The following RAC2 variants were observed in gnomAD, a reference collection of about 807,000 sequenced individuals.
RAC2 encodes Rac family small GTPase 2.
RAC2 carries 1 observed loss-of-function variant against 24.0 expected under a neutral mutation model. That is an observed-to-expected ratio of 0.04 (90% CI 0.01 to 0.20). RAC2 has a LOEUF of 0.20. Ranked by LOEUF, RAC2 falls within the 10% of genes least tolerant of loss-of-function variation. RAC2 has a pLI of 1.00. For synonymous variants in RAC2, 114 were observed against 106.8 expected (o/e 1.07, Z -0.41); for missense variants, 130 against 259.1 (o/e 0.50, Z 3.42).
chr22:37,244,197 G>A lies in RAC2; in HGVS notation c.-49C>T, dbSNP rs750313450. ...CGGTGGTGACAGCTCAGGGCCAGGC[G>A]CGTTTCTGCGGGCGCAAGGGGTGTG... is the stretch of plus-strand genomic sequence containing the variant. On this transcript the variant is annotated 5_prime_UTR_variant, in exon 1 of 7. Coordinates refer to ENST00000249071, the MANE Select transcript of RAC2 (RefSeq NM_002872.5). The A allele has an allele frequency of 1.9e-6, 3 of 1,607,940 alleles. No individual in the cohort carries two copies. The highest frequency in any genetic ancestry group is 2.5e-6 in the Non-Finnish European group (3 of 1,177,106).
chr22:37,227,566 G>A (rs67970560), intron 5 of RAC2, among the ~76,000 whole-genome samples: 28 of 1,916 alleles, frequency 0.015, no homozygotes, highest in Admixed American at 0.048. Flanking sequence ...CCCTTCCCAT[G>A]CCTCCCACGC....
intron 2 of RAC2, among the ~76,000 whole-genome samples, chr22:37,233,421 T>C (rs1440361619): frequency 1.3e-5 from 2 of 152,208 alleles, no homozygotes; most frequent in Non-Finnish European, 2.9e-5. Context: ...TAGCTGGGAT[T>C]ACAGGCATGC....
At chr22:37,243,954 G>C (rs1471440457) in intron 1 of RAC2, among the ~76,000 whole-genome samples, 160 bp downstream of exon 1, 1 of 152,144 alleles carries the variant, frequency 6.6e-6, no homozygotes, top group Non-Finnish European at 1.5e-5. Context: ...CCACCCCCGG[G>C]TGCTCCCTGT....
At chr22:37,228,865 G>A (rs1232963936) in intron 5 of RAC2, among the ~76,000 whole-genome samples, 1 of 152,202 alleles carries the variant, frequency 6.6e-6, no homozygotes, top group Non-Finnish European at 1.5e-5. Flanking sequence ...GTCACATGCT[G>A]GGCGTCTCCC....
At chr22:37,241,542 G>A in intron 2 of RAC2, 45 bp downstream of exon 2, 5 of 1,572,732 alleles carry the variant, frequency 3.2e-6, no homozygotes, top group Non-Finnish European at 4.4e-6. Context: ...CTTGGTGACG[G>A]TCTCTCCCCT....
intron 1 of RAC2, among the ~76,000 whole-genome samples, chr22:37,241,898 G>T (rs942343629): frequency 6.6e-6 from 1 of 152,234 alleles, no homozygotes; most frequent in South Asian, 2.1e-4. Flanking sequence ...ATCCACAGGT[G>T]TGCGCAGAGC....
chr22:37,232,189 A>G (rs546994910), intron 3 of RAC2, among the ~76,000 whole-genome samples, 195 bp from the exon 4 acceptor site: 10 of 152,292 alleles, frequency 6.6e-5, no homozygotes, highest in Admixed American at 6.5e-4. Context: ...GACGCTCACT[A>G]AAGGCCAGGG....
In RAC2 at chr22:37,244,236, C is replaced by T. The variant is rs971073256; in HGVS notation, c.-88G>A. 4 of 1,483,928 alleles carry T rather than the reference C, an allele frequency of 2.7e-6. No individual in the cohort carries two copies. Among genetic ancestry groups the T allele is most frequent in the Non-Finnish European group, 3.7e-6 (4 of 1,076,982 alleles). 91.9% of individuals were successfully genotyped at this position (1,483,928 alleles called of 1,614,324 possible). A position where few individuals can be genotyped will look rare whatever the true frequency, so the allele number is the denominator to read the frequency against. ...GCAAGGGGTGTGGAGGCTGGTGAGG[C>T]GCCTGCTGAGGAGCAGCGGTGGTGG... On this transcript the variant is annotated 5_prime_UTR_variant, in exon 1 of 7. Coordinates refer to ENST00000249071, the MANE Select transcript of RAC2 (RefSeq NM_002872.5).
chr22:37,227,935 G>T (rs975930548), intron 5 of RAC2, among the ~76,000 whole-genome samples: 2 of 152,160 alleles, frequency 1.3e-5, no homozygotes, highest in Admixed American at 6.5e-5. Flanking sequence ...CGGGAATTTT[G>T]ATGCTTTTCT....
At chr22:37,241,202 T>C (rs558211867) in intron 2 of RAC2, 2 of 774,142 alleles carry the variant, frequency 2.6e-6, no homozygotes, top group Non-Finnish European at 4.8e-6. Context: ...CAGCATGCCT[T>C]GTCCCCAGGT....
At chr22:37,227,453 AG>A (rs74201862) in intron 5 of RAC2, among the ~76,000 whole-genome samples, 1 of 17,294 alleles carries the variant, frequency 5.8e-5, no homozygotes, top group Admixed American at 5.8e-4. Flanking sequence ...ATGCCATACA[AG>A]CCCTCCCACG....
At chr22:37,235,554 C>T (rs1481743055) in intron 2 of RAC2, among the ~76,000 whole-genome samples, 6 of 152,162 alleles carry the variant, frequency 3.9e-5, no homozygotes, top group Non-Finnish European at 5.9e-5. Flanking sequence ...ATTTGTTTGC[C>T]GCTGCACCCT....
At chr22:37,228,068 C>G (rs544775704) in intron 5 of RAC2, among the ~76,000 whole-genome samples, 1 of 152,302 alleles carries the variant, frequency 6.6e-6, no homozygotes, top group African/African-American at 2.4e-5. Flanking sequence ...AGGCCTGAAG[C>G]CCTCAGGGCC....
chr22:37,229,604 T>C (rs4140870), intron 5 of RAC2, among the ~76,000 whole-genome samples: 31,046 of 152,150 alleles, frequency 0.2, 3,820 homozygotes, highest in African/African-American at 0.34. Context: ...AGGCAGTTGC[T>C]GCTTCCCTCA....
intron 1 of RAC2, among the ~76,000 whole-genome samples, chr22:37,242,973 C>G (rs1204256945): frequency 1.3e-5 from 2 of 152,166 alleles, no homozygotes; most frequent in Admixed American, 6.5e-5. Context: ...GCAGGCATGA[C>G]AGATTGACAA....
At position 37,232,010 on chromosome 22, in the gene RAC2, GCGA is replaced by G. The variant is rs1569089807; in HGVS notation, c.226-19_226-17del. ...GGAAGACGTCCTGGGGACAGAGCAA[GCGA>G]GGTTGCTAGTGAGGAGGGCCCAGAG... is the stretch of plus-strand genomic sequence containing the variant. On this transcript the variant is annotated splice_polypyrimidine_tract_variant and intron_variant, in intron 3 of 6. Transcript: ENST00000249071. The G allele has an allele frequency of 7.2e-6, 11 of 1,520,680 alleles. No individual in the cohort carries two copies. The South Asian group carries it at 1.3e-4, about 18-fold the overall frequency. The allele number at this position is 1,520,680 out of a possible 1,614,324, so 94.2% of individuals were successfully genotyped here. A position where few individuals can be genotyped will look rare whatever the true frequency, so the allele number is the denominator to read the frequency against.
rs541850760 is a variant in RAC2 at position 37,240,858 on chromosome 22, C to A, written c.107+729G>T. On this transcript the variant is annotated intron_variant, in intron 2 of 6. Coordinates refer to ENST00000249071, the MANE Select transcript of RAC2 (RefSeq NM_002872.5). ...GGAGAGAGAACAGCTTGAGCAAAGG[C>A]CCTGGGGTAGAAATGTGCAGGGAGC... is the stretch of plus-strand genomic sequence containing the variant. 4.9e-6 allele frequency: 3 copies of A among 611,294 alleles called. No individual in the cohort carries two copies. In the South Asian group the frequency reaches 5.8e-5, roughly 12 times the overall value. 37.9% of individuals were successfully genotyped at this position (611,294 alleles called of 1,614,324 possible).
At chr22:37,232,574 T>C (rs1306451470) in intron 3 of RAC2, 1 of 567,260 alleles carries the variant, frequency 1.8e-6, no homozygotes, top group East Asian at 3.1e-5. Flanking sequence ...CAGGAGGCAA[T>C]GGGGTGGGAA....
chr22:37,231,210 C>G lies in RAC2; in HGVS notation c.448+21G>C, dbSNP rs1280793094. Reference sequence around the variant, plus strand: ...GGCCTCCCCTGCAGCCAGATCGCCCCTCTGAGCCCGAGGCCCATACCAATC... The same window carrying G: ...GGCCTCCCCTGCAGCCAGATCGCCCGTCTGAGCCCGAGGCCCATACCAATC... On this transcript the variant is annotated intron_variant, in intron 5 of 6. Transcript: ENST00000249071. This position sits in a 1 kb window ranked among gnomAD's most constrained non-coding sequence, Gnocchi z 5.5. The G allele has an allele frequency of 1.2e-6, 2 of 1,612,640 alleles. No individual in the cohort carries two copies. Among genetic ancestry groups the G allele is most frequent in the South Asian group, 1.1e-5 (1 of 91,008 alleles).
Sources: gnomAD v4.1 joint callset for allele counts (sites outside exome capture counted in the v4.1 genomes callset) on GRCh38, gnomAD v4.1.1 for gene constraint, Gnocchi (gnomAD v3.1) non-coding constraint, MANE v1.5 for transcripts, NCBI Gene and HGNC (gene_info 2026-07-23, HGNC 2026-07-21) for gene names.